GMFB: variants seen among roughly 807,000 people sequenced by gnomAD.
GMFB encodes glia maturation factor beta.
A neutral mutation model predicts 25.6 loss-of-function variants in GMFB; 13 were observed. The ratio of observed to expected loss-of-function variants is 0.51; its 90% CI spans 0.33 to 0.81. The LOEUF is 0.81. Ranked by LOEUF, GMFB falls within the 30% of genes least tolerant of loss-of-function variation. GMFB has a pLI of 0.02. For missense variants in GMFB, 146 were observed against 175.4 expected (o/e 0.83, Z 0.95); for synonymous variants, 57 against 56.9 (o/e 1.00, Z 0.00).
At position 54,481,467 on chromosome 14, in the gene GMFB, A is replaced by G. The variant is rs758926884; in HGVS notation, c.151-9T>C. The G allele has an allele frequency of 3.1e-6, 5 of 1,603,726 alleles. No homozygotes were observed. In the Admixed American group the frequency reaches 6.7e-5, roughly 21 times the overall value. Reference sequence around the variant, plus strand: ...TCATCTGGTGAAATGCCCTGGCACCACAGAGAAAAGCAACTTTTAAACATT... The same window carrying G: ...TCATCTGGTGAAATGCCCTGGCACCGCAGAGAAAAGCAACTTTTAAACATT... On this transcript the variant is annotated splice_polypyrimidine_tract_variant and intron_variant, in intron 3 of 6. Transcript: ENST00000358056.
Sources: gnomAD v4.1 joint callset for allele counts on GRCh38, gnomAD v4.1.1 for gene constraint, MANE v1.5 for transcripts, NCBI Gene and HGNC (gene_info 2026-07-23, HGNC 2026-07-21) for gene names.